Variants in SYT6 observed in about 807,000 individuals in gnomAD.
The protein encoded by SYT6 is synaptotagmin 6, also known as synaptotagmin-6.
In SYT6, 24 loss-of-function variants were observed where a neutral mutation model predicts 38.4. That is an observed-to-expected ratio of 0.62 (90% CI 0.45 to 0.88). SYT6 has a LOEUF of 0.88. Among genes scored for constraint, SYT6 ranks in the 40% least tolerant of loss-of-function variants. The pLI, the probability that SYT6 is intolerant of heterozygous loss-of-function variation, is 0.00. For missense variants in SYT6, 611 were observed against 621.0 expected (o/e 0.98, Z 0.17); for synonymous variants, 265 against 241.9 (o/e 1.10, Z -0.89).
intron 3 of SYT6, among the ~76,000 whole-genome samples, chr1:114,115,127 T>G (rs1239819566): frequency 2.0e-5 from 3 of 152,190 alleles, no homozygotes. Flanking sequence ...ACCAATAAGA[T>G]CAGCATCACT....
intron 4 of SYT6, among the ~76,000 whole-genome samples, chr1:114,101,823 A>G (rs1218184706): frequency 1.3e-5 from 2 of 152,210 alleles, no homozygotes; most frequent in Non-Finnish European, 2.9e-5. Flanking sequence ...TTCATTCGGT[A>G]TCTATTTATT....
intron 1 of SYT6, among the ~76,000 whole-genome samples, chr1:114,143,196 CTA>C (rs926137842): frequency 1.1e-4 from 15 of 142,252 alleles, no homozygotes; most frequent in Non-Finnish European, 2.0e-4. Context: ...ATATTTTATA[CTA>C]TATATATTTT....
At chr1:114,120,031 A>G (rs1383383357) in intron 3 of SYT6, among the ~76,000 whole-genome samples, 1 of 149,748 alleles carries the variant, frequency 6.7e-6, no homozygotes, top group Non-Finnish European at 1.5e-5. Context: ...AGATCGCACC[A>G]CTGCACTCCA....
chr1:114,143,737 G>A (rs1307310995), intron 1 of SYT6, among the ~76,000 whole-genome samples: 2 of 152,054 alleles, frequency 1.3e-5, no homozygotes, highest in Non-Finnish European at 2.9e-5. Context: ...CATTCCTGTG[G>A]CTATTCAAGA....
Position 114,091,757 on chromosome 1 carries a change from C to A in SYT6, c.*377G>T. The A allele has an allele frequency of 3.7e-6, 1 of 273,686 alleles. No homozygotes were observed. 17.0% of individuals were successfully genotyped at this position (273,686 alleles called of 1,614,324 possible). On this transcript the variant is annotated 3_prime_UTR_variant, in exon 8 of 8. Transcript: ENST00000610222. The stretch of plus-strand genomic sequence containing the variant: ...GTCTTTTCCTACTCTTTTTTTTTTT[C>A]CCTTTTCTTACCAGCAGACCCATAA...
intron 1 of SYT6, among the ~76,000 whole-genome samples, chr1:114,142,760 A>G (rs1368664882): frequency 2.6e-5 from 4 of 152,228 alleles, no homozygotes; most frequent in Non-Finnish European, 4.4e-5. Flanking sequence ...GTCAGCAGCC[A>G]TCAACATCGA....
At chr1:114,123,651 T>C (rs1360235177) in intron 3 of SYT6, among the ~76,000 whole-genome samples, 2 of 152,238 alleles carry the variant, frequency 1.3e-5, no homozygotes, top group African/African-American at 2.4e-5. Context: ...TGCTCCTTCA[T>C]GTTCTGTCCC....
chr1:114,134,252 C>T (rs1678347776), intron 3 of SYT6, among the ~76,000 whole-genome samples: 1 of 152,194 alleles, frequency 6.6e-6, no homozygotes, highest in Admixed American at 6.5e-5. Flanking sequence ...TCTCTCCCCA[C>T]CAAGCCTGGC....
At chr1:114,113,422 G>A (rs555153936) in intron 3 of SYT6, among the ~76,000 whole-genome samples, 28 of 152,044 alleles carry the variant, frequency 1.8e-4, no homozygotes, top group African/African-American at 4.3e-4. Flanking sequence ...TGGCCCCTCC[G>A]CAGACATCTC....
At chr1:114,093,592 C>T in intron 7 of SYT6, 143 bp downstream of exon 7, 1 of 680,968 alleles carries the variant, frequency 1.5e-6, no homozygotes, top group Middle Eastern at 3.9e-4. Flanking sequence ...GAGCCAGAAC[C>T]CGAAACCAGG....
intron 1 of SYT6, among the ~76,000 whole-genome samples, chr1:114,151,994 G>C (rs1467651833): frequency 1.3e-5 from 2 of 152,080 alleles, no homozygotes; most frequent in Non-Finnish European, 2.9e-5. Context: ...GCCACAACTA[G>C]GGACAGCAGC....
At position 114,089,836 on chromosome 1, in the gene SYT6, G is replaced by C. The variant is rs1675201380; in HGVS notation, c.*2298C>G. The C allele has an allele frequency of 6.6e-6, 1 of 152,466 alleles. No homozygotes were observed. The allele number at this position is 152,466 out of a possible 1,614,324, so 9.4% of individuals were successfully genotyped here. A position where few individuals can be genotyped will look rare whatever the true frequency, so the allele number is the denominator to read the frequency against. On this transcript the variant is annotated 3_prime_UTR_variant, in exon 8 of 8. Coordinates refer to ENST00000610222, the MANE Select transcript of SYT6 (RefSeq NM_001253772.2). Reference sequence around the variant, plus strand: ...AGTTGGCCAGGGTGGTGTGGGGCTGGCTAGAATCTGTTCAGGACATGATTT... The same window carrying C: ...AGTTGGCCAGGGTGGTGTGGGGCTGCCTAGAATCTGTTCAGGACATGATTT...
chr1:114,149,908 C>G (rs1227311861), intron 1 of SYT6, among the ~76,000 whole-genome samples: 1 of 152,148 alleles, frequency 6.6e-6, no homozygotes, highest in Non-Finnish European at 1.5e-5. Context: ...GGGTCCAGAT[C>G]TGGATGCCCC....
intron 3 of SYT6, among the ~76,000 whole-genome samples, chr1:114,104,850 G>A (rs1676189880): frequency 6.6e-6 from 1 of 151,984 alleles, no homozygotes; most frequent in South Asian, 2.1e-4. Flanking sequence ...TTTATTTTAG[G>A]TTCAGATTCA....
intron 7 of SYT6, among the ~76,000 whole-genome samples, 163 bp from the exon 8 acceptor site, chr1:114,092,245 G>T (rs1345480615): frequency 6.6e-6 from 1 of 151,992 alleles, no homozygotes; most frequent in African/African-American, 2.4e-5. Flanking sequence ...AAACAGCTTA[G>T]AGCTTCTAGT....
intron 1 of SYT6, among the ~76,000 whole-genome samples, chr1:114,146,765 C>A (rs1258943757): frequency 6.6e-6 from 1 of 152,198 alleles, no homozygotes; most frequent in African/African-American, 2.4e-5. Context: ...TGAAGTCAGA[C>A]TGGCCTCACT....
At chr1:114,142,659 G>A (rs987765198) in intron 1 of SYT6, among the ~76,000 whole-genome samples, 3 of 152,076 alleles carry the variant, frequency 2.0e-5, no homozygotes, top group Non-Finnish European at 4.4e-5. Context: ...TTAGTGAAAG[G>A]AAAAGTCCAT....
At chr1:114,133,461 AT>A (rs1369194831) in intron 3 of SYT6, among the ~76,000 whole-genome samples, 9 of 152,218 alleles carry the variant, frequency 5.9e-5, no homozygotes, top group Non-Finnish European at 8.8e-5. Context: ...TTATTTAGAA[AT>A]AATGAGACTG....
At chr1:114,149,335 C>A (rs888511861) in intron 1 of SYT6, among the ~76,000 whole-genome samples, 2 of 139,864 alleles carry the variant, frequency 1.4e-5, no homozygotes, top group African/African-American at 2.8e-5. Flanking sequence ...ATTAGGAGAA[C>A]CGGTGTAATT....
Sources: allele counts gnomAD v4.1 joint callset (sites outside exome capture counted in the v4.1 genomes callset), GRCh38; gene constraint gnomAD v4.1.1; transcripts MANE v1.5; gene names NCBI Gene and HGNC (gene_info 2026-07-23, HGNC 2026-07-21).